The following ELAPOR2 variants were observed in gnomAD, a reference collection of about 807,000 sequenced individuals.
The protein encoded by ELAPOR2 is endosome-lysosome associated apoptosis and autophagy regulator family member 2.
A neutral mutation model predicts 120.7 loss-of-function variants in ELAPOR2; 89 were observed. That is an observed-to-expected ratio of 0.74 (90% confidence interval 0.62 to 0.88). The LOEUF is 0.88. Among genes scored for constraint, ELAPOR2 ranks in the 40% least tolerant of loss-of-function variants. ELAPOR2 has a pLI of 0.00. For missense variants in ELAPOR2, 1,134 were observed against 1,251.6 expected, an observed-to-expected ratio of 0.91 and a Z score of 1.42; for synonymous variants, 444 against 444.9, an observed-to-expected ratio of 1.00 and a Z score of 0.03.
At chr7:86,982,230 A>C (rs189965396) in intron 1 of ELAPOR2, among the ~76,000 whole-genome samples, 14 of 152,392 alleles carry the variant, frequency 9.2e-5, no homozygotes, top group Admixed American at 2.6e-4. Flanking sequence ...TTCTGGGGGC[A>C]GGGCATAGCT....
At chr7:86,921,439 GA>G (rs952130842) in intron 10 of ELAPOR2, among the ~76,000 whole-genome samples, 11 of 152,088 alleles carry the variant, frequency 7.2e-5, no homozygotes, top group Non-Finnish European at 1.5e-4. Context: ...GCAGAGACTA[GA>G]GTTAGGCTGT....
At chr7:86,924,104 G>A (rs972912305) in intron 10 of ELAPOR2, among the ~76,000 whole-genome samples, 1 of 151,878 alleles carries the variant, frequency 6.6e-6, no homozygotes, top group African/African-American at 2.4e-5. Flanking sequence ...GTTGGCTACT[G>A]GACCAGCCAG....
intron 1 of ELAPOR2, among the ~76,000 whole-genome samples, chr7:87,037,441 T>C (rs1387178259): frequency 2.0e-5 from 3 of 151,498 alleles, no homozygotes; most frequent in Non-Finnish European, 4.4e-5. Context: ...TTATAAGTCA[T>C]GGTAGACTGA....
chr7:87,002,405 C>T (rs1326203700), intron 1 of ELAPOR2, among the ~76,000 whole-genome samples: 3 of 152,138 alleles, frequency 2.0e-5, no homozygotes, highest in Non-Finnish European at 4.4e-5. Flanking sequence ...GTGGCCATTG[C>T]TACTTCTCCA....
At chr7:87,023,068 A>G (rs1256720782) in intron 1 of ELAPOR2, among the ~76,000 whole-genome samples, 3 of 152,080 alleles carry the variant, frequency 2.0e-5, no homozygotes, top group African/African-American at 7.2e-5. Context: ...CTTTAGTTTA[A>G]TTAGATCCCA....
chr7:86,901,080 G>C (rs1788702114), intron 18 of ELAPOR2, among the ~76,000 whole-genome samples: 2 of 152,134 alleles, frequency 1.3e-5, no homozygotes, highest in Non-Finnish European at 2.9e-5. Context: ...GTGAATAAAT[G>C]CCTAAAGAGA....
At chr7:87,049,075 C>T (rs1795028359) in intron 1 of ELAPOR2, among the ~76,000 whole-genome samples, 3 of 152,154 alleles carry the variant, frequency 2.0e-5, no homozygotes, top group Non-Finnish European at 4.4e-5. Context: ...TATTGAACAT[C>T]TACTAAGTGC....
At chr7:87,054,978 ACTC>A (rs2129018606) in intron 1 of ELAPOR2, among the ~76,000 whole-genome samples, 1 of 152,198 alleles carries the variant, frequency 6.6e-6, no homozygotes, top group Non-Finnish European at 1.5e-5. Context: ...TCCTTTGTGA[ACTC>A]CTCGGTTTCT....
chr7:87,059,508 C>G lies in ELAPOR2; in HGVS notation c.6G>C (p.Leu2=). The part of the protein sequence containing the change: M[L]FRARGPVRGR... ...CCCGTACCGGCCCCCGGGCGCGGAA[C>G]AGCATCTTCGTCCGGCCGCGGTCGG... Residue 2 remains leucine, a synonymous_variant, in exon 1 of 22, where the codon CTG becomes CTC. Coordinates refer to ENST00000450689, the MANE Select transcript of ELAPOR2 (RefSeq NM_001142749.3). 8.3e-7 allele frequency: 1 copy of G among 1,198,930 alleles called. No individual in the cohort carries two copies. The highest frequency in any genetic ancestry group is 1.0e-6 in the Non-Finnish European group (1 of 966,294). The allele number at this position is 1,198,930 out of a possible 1,614,324, so 74.3% of individuals were successfully genotyped here.
chr7:87,007,057 C>G (rs528667916), intron 1 of ELAPOR2, among the ~76,000 whole-genome samples: 1 of 152,230 alleles, frequency 6.6e-6, no homozygotes, highest in East Asian at 1.9e-4. Context: ...TTCTGGGCAG[C>G]AGAGTTGGAG....
intron 2 of ELAPOR2, among the ~76,000 whole-genome samples, chr7:86,956,377 C>A (rs1791474168): frequency 6.6e-6 from 1 of 152,140 alleles, no homozygotes; most frequent in Non-Finnish European, 1.5e-5. Context: ...ACTCACTGTT[C>A]CCTGAAAAGA....
chr7:86,880,670 A>T (rs1199462151), intron 21 of ELAPOR2, 140 bp from the exon 22 acceptor site: 2 of 619,368 alleles, frequency 3.2e-6, no homozygotes, highest in Non-Finnish European at 5.7e-6. Context: ...TACAGTTAAA[A>T]TTGGGTGGCA....
chr7:87,004,168 T>C (rs1793402987), intron 1 of ELAPOR2, among the ~76,000 whole-genome samples: 1 of 152,144 alleles, frequency 6.6e-6, no homozygotes. Context: ...GATAATTAAG[T>C]AAAATTGTTT....
intron 1 of ELAPOR2, among the ~76,000 whole-genome samples, chr7:87,014,190 T>C (rs944609949): frequency 2.6e-5 from 4 of 152,138 alleles, no homozygotes; most frequent in Non-Finnish European, 4.4e-5. Flanking sequence ...AGTTCAACAT[T>C]AATGAATCAA....
intron 1 of ELAPOR2, chr7:86,966,003 T>G (rs1158289244): frequency 1.0e-6 from 1 of 980,342 alleles, no homozygotes; most frequent in African/African-American, 1.7e-5. Flanking sequence ...TGTCCTAATT[T>G]TAACATTTTT....
chr7:86,925,447 G>GT, intron 10 of ELAPOR2, 81 bp downstream of exon 10: 1 of 1,434,398 alleles, frequency 7.0e-7, no homozygotes, highest in African/African-American at 1.4e-5. Flanking sequence ...CCCATACTTG[G>GT]TATGTTTTAG....
rs76047112 is a variant in ELAPOR2, at chr7:86,893,899, T to G, written c.2686-799A>C. On this transcript the variant is annotated intron_variant, in intron 19 of 21. Transcript: ENST00000450689. ...AGAAAATCCAAGTACAGCATATGGT[T>G]CGTTATATATTTCAACATGTACGGT... is the stretch of plus-strand genomic sequence containing the variant. Among the ~76,000 whole-genome samples, 54 of 152,236 alleles carry G rather than the reference T, an allele frequency of 3.5e-4. 2 individuals are homozygous for G. The East Asian group carries it at 0.01, about 29-fold the overall frequency.
At chr7:86,907,573 C>T in intron 18 of ELAPOR2, 97 bp downstream of exon 18, 2 of 752,882 alleles carry the variant, frequency 2.7e-6, no homozygotes, top group Non-Finnish European at 2.1e-6. Context: ...TGTTTTCTTT[C>T]TGCTTTATGT....
At chr7:87,026,135 A>G (rs1794236067) in intron 1 of ELAPOR2, among the ~76,000 whole-genome samples, 1 of 152,128 alleles carries the variant, frequency 6.6e-6, no homozygotes, top group South Asian at 2.1e-4. Flanking sequence ...ATAGCTGAAC[A>G]TGAGAAAGTA....
Sources: gnomAD v4.1 joint callset for allele counts (sites outside exome capture counted in the v4.1 genomes callset) on GRCh38, gnomAD v4.1.1 for gene constraint, MANE v1.5 for transcripts, NCBI Gene and HGNC (gene_info 2026-07-23, HGNC 2026-07-21) for gene names.